GEMIN2: variants seen among roughly 807,000 people sequenced by gnomAD.
GEMIN2 encodes the protein gem nuclear organelle associated protein 2, also known as gem-associated protein 2.
GEMIN2 carries 37 observed loss-of-function variants against 45.8 expected under a neutral mutation model. That is an observed-to-expected ratio of 0.81 (90% CI 0.62 to 1.06). The LOEUF (loss-of-function observed/expected upper bound fraction) is 1.06, where lower values mean the gene tolerates loss of function less well. GEMIN2 is among the 50% of genes least tolerant of loss of function. The probability of loss-of-function intolerance (pLI) is 0.00; values close to 1 mark genes in which losing one functional copy is unlikely to be tolerated. For missense variants in GEMIN2, 335 were observed against 321.8 expected (o/e 1.04, Z -0.31); for synonymous variants, 101 against 111.5 (o/e 0.91, Z 0.60).
At chr14:39,136,151 A>C (rs2052778691) in intron 9 of GEMIN2, among the ~76,000 whole-genome samples, 2 of 152,214 alleles carry the variant, frequency 1.3e-5, no homozygotes, top group African/African-American at 4.8e-5. Flanking sequence ...ACATACTCAC[A>C]TAAGGTAGCA....
intron 6 of GEMIN2, 68 bp from the exon 7 acceptor site, chr14:39,128,212 G>T: frequency 1.2e-6 from 1 of 840,308 alleles, no homozygotes; most frequent in Non-Finnish European, 1.9e-6. Context: ...TAAACTTAAT[G>T]AAACTCATGT....
At chr14:39,122,758 GCTGT>G in intron 5 of GEMIN2, 2 of 368,836 alleles carry the variant, frequency 5.4e-6, no homozygotes, top group East Asian at 8.2e-5. Flanking sequence ...TAAAATATTT[GCTGT>G]CTGACTCTTG....
chr14:39,117,165 G>A (rs995800480), intron 2 of GEMIN2, among the ~76,000 whole-genome samples: 6 of 151,764 alleles, frequency 4.0e-5, no homozygotes, highest in African/African-American at 9.7e-5. Context: ...CCAGCTACTC[G>A]GGAGGCTGAG....
chr14:39,129,299 T>C (rs535667808), intron 7 of GEMIN2, among the ~76,000 whole-genome samples: 64 of 152,310 alleles, frequency 4.2e-4, no homozygotes, highest in East Asian at 1.2e-3. Flanking sequence ...GTATACTCTA[T>C]GATGTTCATC....
At chr14:39,116,768 T>C (rs183014744) in intron 2 of GEMIN2, among the ~76,000 whole-genome samples, 1 of 152,244 alleles carries the variant, frequency 6.6e-6, no homozygotes, top group Admixed American at 6.5e-5. Flanking sequence ...ATTGATTGAT[T>C]GAGACAGGGT....
chr14:39,114,498 G>A (rs1307017229), intron 1 of GEMIN2, 23 bp downstream of exon 1: 1 of 1,591,894 alleles, frequency 6.3e-7, no homozygotes, highest in Admixed American at 1.7e-5. Flanking sequence ...GCCCTGGGCG[G>A]GTGGGCTGGT....
At chr14:39,135,604 GAAAA>G (rs928233078) in intron 9 of GEMIN2, among the ~76,000 whole-genome samples, 1 of 144,970 alleles carries the variant, frequency 6.9e-6, no homozygotes, top group African/African-American at 2.5e-5. Context: ...AAAGAAAAAA[GAAAA>G]AAAAAAGGAA....
chr14:39,128,062 T>C (rs12434607), intron 6 of GEMIN2, among the ~76,000 whole-genome samples: 109,012 of 118,012 alleles, frequency 0.92, 50,320 homozygotes, highest in East Asian at 0.94. Flanking sequence ...AGTGAGACTC[T>C]ATCTCAAAAA....
chr14:39,115,456 CT>C (rs35142656), intron 2 of GEMIN2, among the ~76,000 whole-genome samples: 187 of 123,836 alleles, frequency 1.5e-3, no homozygotes, highest in Middle Eastern at 4.6e-3. Context: ...ATGTCTTACA[CT>C]TTTTTTTTTT....
At chr14:39,129,097 TGAGTGACA>T (rs1259153915) in intron 7 of GEMIN2, among the ~76,000 whole-genome samples, 2 of 152,186 alleles carry the variant, frequency 1.3e-5, no homozygotes, top group African/African-American at 4.8e-5. Flanking sequence ...CACTCTAGCC[TGAGTGACA>T]GAGTGAGACC....
intron 2 of GEMIN2, 85 bp downstream of exon 2, chr14:39,114,998 A>G (rs1284547178): frequency 8.3e-6 from 6 of 724,400 alleles, no homozygotes; most frequent in Middle Eastern, 2.4e-4. Context: ...GACAGCATCA[A>G]TTATGACGTA....
chr14:39,116,044 TCC>T (rs966879984), intron 2 of GEMIN2, among the ~76,000 whole-genome samples: 14 of 151,206 alleles, frequency 9.3e-5, no homozygotes, highest in African/African-American at 3.4e-4. Context: ...GCTCTCTTTT[TCC>T]CCCTTTTTTT....
chr14:39,133,864 G>T, intron 9 of GEMIN2, 145 bp downstream of exon 9: 1 of 476,156 alleles, frequency 2.1e-6, no homozygotes, highest in Non-Finnish European at 3.8e-6. Flanking sequence ...CGCAATCACA[G>T]CTCACTAGAG....
At position 39,136,765 on chromosome 14, in the gene GEMIN2, GTGC is replaced by G. The variant is rs2052786668; in HGVS notation, c.*289_*291del. ...TGATGAAATTTTACATAGGTTCTTGGTGCTGTTTTGTTCTTTTTTTGTTTTTTG... is the reference window on the plus strand; with the variant it reads ...TGATGAAATTTTACATAGGTTCTTGGTGTTTTGTTCTTTTTTTGTTTTTTG... On this transcript the variant is annotated 3_prime_UTR_variant, in exon 10 of 10. Coordinates refer to ENST00000308317, the MANE Select transcript of GEMIN2 (RefSeq NM_003616.3). 4 of 301,470 alleles carry G rather than the reference GTGC, an allele frequency of 1.3e-5. No individual in the cohort carries two copies. In the East Asian group the frequency reaches 1.8e-4, roughly 13 times the overall value. 18.7% of individuals were successfully genotyped at this position (301,470 alleles called of 1,614,324 possible). A position where few individuals can be genotyped will look rare whatever the true frequency, so the allele number is the denominator to read the frequency against.
At chr14:39,125,063 A>G in intron 6 of GEMIN2, 27 bp downstream of exon 6, 1 of 1,073,416 alleles carries the variant, frequency 9.3e-7, no homozygotes, top group Non-Finnish European at 1.4e-6. Context: ...AGATATATGC[A>G]TTCTTTTGTT....
intron 5 of GEMIN2, 70 bp downstream of exon 5, chr14:39,122,613 A>T: frequency 1.3e-6 from 1 of 756,800 alleles, no homozygotes; most frequent in East Asian, 2.7e-5. Flanking sequence ...ATAAGGGGTC[A>T]GCAAACTCTA....
At chr14:39,128,485 CTTTTTTTTTTTT>C (rs71130820) in intron 7 of GEMIN2, 137 bp downstream of exon 7, 12 of 148,476 alleles carry the variant, frequency 8.1e-5, no homozygotes, top group East Asian at 1.7e-4. Context: ...TTTTTCTTTT[CTTTTTTTTTTTT>C]TTTTTTTTTT....
In GEMIN2 at chr14:39,136,640, T is replaced by C; in HGVS notation, c.*161T>C. 1.9e-6 allele frequency: 1 copy of C among 539,064 alleles called. No homozygotes were observed. Among genetic ancestry groups the C allele is most frequent in the Non-Finnish European group, 3.3e-6 (1 of 304,738 alleles). 33.4% of individuals were successfully genotyped at this position (539,064 alleles called of 1,614,324 possible). A position where few individuals can be genotyped will look rare whatever the true frequency, so the allele number is the denominator to read the frequency against. On this transcript the variant is annotated 3_prime_UTR_variant, in exon 10 of 10. Coordinates refer to ENST00000308317, the MANE Select transcript of GEMIN2 (RefSeq NM_003616.3). The stretch of plus-strand genomic sequence containing the variant: ...TTCAGATTGATACTCAGAATATGGG[T>C]TGATTTGAATATCTGAAATATCAAT...
At position 39,114,419 on chromosome 14, in the gene GEMIN2, A is replaced by G. The variant is rs1310468217; in HGVS notation, c.81A>G (p.Glu27=). The change falls in exon 1 of 10, where the codon GAA becomes GAG. Residue 27 remains glutamate (E), a synonymous_variant. Coordinates refer to ENST00000308317, the MANE Select transcript of GEMIN2 (RefSeq NM_003616.3). ...LLPVEPCDLT[E]GFDPSVPPRT... ...CGGTAGAGCCTTGCGACTTGACGGAAGGTTTCGATCCCTCGGTACCCCCGA... is the reference window on the plus strand; with the variant it reads ...CGGTAGAGCCTTGCGACTTGACGGAGGGTTTCGATCCCTCGGTACCCCCGA... The G allele has an allele frequency of 6.2e-7, 1 of 1,613,932 alleles. No homozygotes were observed. The highest frequency in any genetic ancestry group is 1.3e-5 in the African/African-American group (1 of 74,918).
Sources: gnomAD v4.1 joint callset for allele counts (sites outside exome capture counted in the v4.1 genomes callset) on GRCh38, gnomAD v4.1.1 for gene constraint, MANE v1.5 for transcripts, NCBI Gene and HGNC (gene_info 2026-07-23, HGNC 2026-07-21) for gene names.